Variants in CAAP1 observed in about 807,000 individuals in gnomAD.
The protein encoded by CAAP1 is conserved anti-apoptotic protein.
A neutral mutation model predicts 34.0 loss-of-function variants in CAAP1; 20 were observed. The ratio of observed to expected loss-of-function variants is 0.59; its 90% CI spans 0.41 to 0.86. The LOEUF (loss-of-function observed/expected upper bound fraction) is 0.86. Ranked by LOEUF, CAAP1 falls within the 40% of genes least tolerant of loss-of-function variation. The pLI, the probability that CAAP1 is intolerant of heterozygous loss-of-function variation, is 0.00. For missense variants in CAAP1, 538 were observed against 450.5 expected (o/e 1.19, Z -1.76); for synonymous variants, 213 against 166.7 (o/e 1.28, Z -2.14).
At chr9:26,877,462 G>C (rs570615284) in intron 4 of CAAP1, among the ~76,000 whole-genome samples, 5 of 152,244 alleles carry the variant, frequency 3.3e-5, no homozygotes, top group African/African-American at 1.2e-4. Context: ...TCACATGACT[G>C]TATTTTCCTC....
At chr9:26,844,364 A>AAAAGAAAATAAGTG (rs1822546541) in intron 5 of CAAP1, among the ~76,000 whole-genome samples, 1 of 152,232 alleles carries the variant, frequency 6.6e-6, no homozygotes, top group Admixed American at 6.5e-5. Flanking sequence ...TCTCAAAAAA[A>AAAAGAAAATAAGTG]AAAGAAAATA....
At chr9:26,887,930 G>A (rs1823791774) in intron 1 of CAAP1, among the ~76,000 whole-genome samples, 1 of 152,126 alleles carries the variant, frequency 6.6e-6, no homozygotes, top group Non-Finnish European at 1.5e-5. Context: ...ATACAGAAAA[G>A]TAACATACGT....
At chr9:26,871,041 T>C (rs1378648905) in intron 4 of CAAP1, among the ~76,000 whole-genome samples, 1 of 152,224 alleles carries the variant, frequency 6.6e-6, no homozygotes, top group Non-Finnish European at 1.5e-5. Context: ...TCAAGTTTAT[T>C]AATAGTGGTT....
intron 4 of CAAP1, among the ~76,000 whole-genome samples, chr9:26,869,598 C>T (rs1041435771): frequency 2.0e-5 from 3 of 152,156 alleles, no homozygotes; most frequent in Non-Finnish European, 2.9e-5. Context: ...TTCAGCAACC[C>T]GAGCTTTCCC....
At chr9:26,866,837 C>A (rs1177923590) in intron 4 of CAAP1, among the ~76,000 whole-genome samples, 1 of 152,126 alleles carries the variant, frequency 6.6e-6, no homozygotes, top group South Asian at 2.1e-4. Context: ...AGCCCAAAAT[C>A]ACTACAAATT....
chr9:26,846,955 G>C (rs540394868), intron 5 of CAAP1, among the ~76,000 whole-genome samples: 2 of 152,138 alleles, frequency 1.3e-5, no homozygotes, highest in South Asian at 4.1e-4. Context: ...CCAAAGTGCT[G>C]GGATTACAGA....
intron 5 of CAAP1, among the ~76,000 whole-genome samples, chr9:26,849,654 A>G (rs775185882): frequency 1.3e-5 from 2 of 151,436 alleles, no homozygotes; most frequent in Non-Finnish European, 3.0e-5. Context: ...TTAGTTTAAC[A>G]TCATGCATAC....
chr9:26,892,201 G>T (rs527868063), intron 1 of CAAP1: 2 of 1,345,490 alleles, frequency 1.5e-6, no homozygotes, highest in Non-Finnish European at 2.0e-6. Context: ...AAAGTGATCA[G>T]GAAATCCAGA....
chr9:26,892,133 G>C (rs533475323), intron 1 of CAAP1: 213 of 730,244 alleles, frequency 2.9e-4, no homozygotes, highest in Non-Finnish European at 3.7e-4. Flanking sequence ...GTATTCTTCC[G>C]GCAGAGTGAA....
At chr9:26,861,228 A>G in intron 4 of CAAP1, 89 bp from the exon 5 acceptor site, 1 of 858,038 alleles carries the variant, frequency 1.2e-6, no homozygotes, top group Non-Finnish European at 1.9e-6. Flanking sequence ...GTTAGGCACT[A>G]GGGAAGACAG....
At chr9:26,854,376 A>G (rs887398810) in intron 5 of CAAP1, among the ~76,000 whole-genome samples, 31 of 152,218 alleles carry the variant, frequency 2.0e-4, no homozygotes, top group African/African-American at 6.8e-4. Flanking sequence ...TTCAAACCCA[A>G]GTAAGTTTCC....
chr9:26,888,918 G>C (rs1823828954), intron 1 of CAAP1, among the ~76,000 whole-genome samples: 1 of 152,186 alleles, frequency 6.6e-6, no homozygotes, highest in Non-Finnish European at 1.5e-5. Context: ...CATATGTACA[G>C]CTATACAAAA....
intron 4 of CAAP1, among the ~76,000 whole-genome samples, chr9:26,877,480 T>A (rs1823470026): frequency 6.6e-6 from 1 of 152,198 alleles, no homozygotes; most frequent in African/African-American, 2.4e-5. Flanking sequence ...CTCAGATGAG[T>A]ACATGCGTAT....
At chr9:26,873,141 T>A (rs1055166873) in intron 4 of CAAP1, among the ~76,000 whole-genome samples, 1 of 152,164 alleles carries the variant, frequency 6.6e-6, no homozygotes, top group East Asian at 1.9e-4. Context: ...TGGTCCCAAC[T>A]CCTCAGGAGG....
intron 4 of CAAP1, 73 bp downstream of exon 4, chr9:26,884,737 A>T (rs1823686498): frequency 9.9e-7 from 1 of 1,013,886 alleles, no homozygotes; most frequent in African/African-American, 1.6e-5. Flanking sequence ...AAACAATCAT[A>T]TCTTTGACAT....
Position 26,842,513 on chromosome 9 carries a change from C to T in CAAP1, c.874G>A (p.Asp292Asn). 1.2e-6 allele frequency: 2 copies of T among 1,614,194 alleles called. No homozygotes were observed. Among genetic ancestry groups the T allele is most frequent in the East Asian group, 2.2e-5 (1 of 44,874 alleles). The change falls in exon 6 of 6, where the codon GAT becomes AAT. Residue 292 changes from aspartate to asparagine, a missense_variant. By Grantham distance (23) the Asp-to-Asn change is conservative (BLOSUM62 1). Coordinates refer to ENST00000333916, the MANE Select transcript of CAAP1 (RefSeq NM_024828.4). ...TTCTCAATGTCTTTCTCCAGGTCAT[C>T]TATCTGACCAGCTTCACTTTGGACT... ...NTVQSEAGQI[D>N]DLEKDIEKSV...
intron 5 of CAAP1, among the ~76,000 whole-genome samples, chr9:26,851,797 A>G (rs1363631637): frequency 6.6e-6 from 1 of 152,212 alleles, no homozygotes; most frequent in Non-Finnish European, 1.5e-5. Flanking sequence ...GGAAGCAAGC[A>G]ACTTTTCCCC....
At chr9:26,863,048 G>T (rs1271199576) in intron 4 of CAAP1, among the ~76,000 whole-genome samples, 2 of 152,068 alleles carry the variant, frequency 1.3e-5, no homozygotes, top group East Asian at 3.8e-4. Context: ...ATTGTAATAA[G>T]TCTGAAAGTA....
At chr9:26,868,131 CTTA>C (rs969868046) in intron 4 of CAAP1, among the ~76,000 whole-genome samples, 4 of 152,158 alleles carry the variant, frequency 2.6e-5, no homozygotes, top group Non-Finnish European at 5.9e-5. Context: ...CTATTCCTTC[CTTA>C]TTATGCTAGG....
Sources: allele counts gnomAD v4.1 joint callset (sites outside exome capture counted in the v4.1 genomes callset), GRCh38; gene constraint gnomAD v4.1.1; transcripts MANE v1.5; gene names NCBI Gene and HGNC (gene_info 2026-07-23, HGNC 2026-07-21).